FAM107A: variants seen among roughly 807,000 people sequenced by gnomAD.
FAM107A encodes family with sequence similarity 107 member A.
In FAM107A, 19 loss-of-function variants were observed where a neutral mutation model predicts 13.7. That is an observed-to-expected ratio of 1.38 (90% CI 0.97 to 2.03). The LOEUF (loss-of-function observed/expected upper bound fraction) is 2.03, where lower values mean the gene tolerates loss of function less well. Ranked by LOEUF, FAM107A falls within the 30% of genes most tolerant of loss-of-function variation. The pLI, the probability that FAM107A is intolerant of heterozygous loss-of-function variation, is 0.00. For synonymous variants in FAM107A, 82 were observed against 74.5 expected (o/e 1.10, Z -0.52); for missense variants, 203 against 184.4 (o/e 1.10, Z -0.58).
chr3:58,572,958 C>G (rs1215824766), intron 1 of FAM107A, among the ~76,000 whole-genome samples: 2 of 152,112 alleles, frequency 1.3e-5, no homozygotes, highest in African/African-American at 2.4e-5. Context: ...TTTTATTTTG[C>G]ACTGGGCCCT....
At chr3:58,581,245 T>C (rs1021873138), upstream of FAM107A, among the ~76,000 whole-genome samples, 1 of 152,174 alleles carries the variant, frequency 6.6e-6, no homozygotes, top group African/African-American at 2.4e-5. Context: ...CATCCCCTTT[T>C]AACTCTGATT....
upstream of FAM107A, chr3:58,587,116 A>AG (rs538865692): frequency 2.9e-6 from 4 of 1,370,840 alleles, no homozygotes; most frequent in Admixed American, 3.6e-5. Context: ...CGGGGGAAGG[A>AG]GGGGGGCAGG....
At chr3:58,608,494 A>G (rs1276670167) in intron 1 of FAM107A, among the ~76,000 whole-genome samples, 1 of 152,194 alleles carries the variant, frequency 6.6e-6, no homozygotes, top group Non-Finnish European at 1.5e-5. Flanking sequence ...AACAGCAACA[A>G]TTACCCTAAG....
At chr3:58,580,411 A>ATT (rs35805159), upstream of FAM107A, among the ~76,000 whole-genome samples, 1,393 of 88,972 alleles carry the variant, frequency 0.016, 30 homozygotes, top group South Asian at 0.027. Flanking sequence ...AGGAATCTGG[A>ATT]TTTTTTTTTT....
At chr3:58,600,570 A>C (rs1169797458) in intron 1 of FAM107A, among the ~76,000 whole-genome samples, 1 of 152,220 alleles carries the variant, frequency 6.6e-6, no homozygotes, top group Admixed American at 6.5e-5. Flanking sequence ...CCTGGCTCCA[A>C]AGCTGGGACA....
rs1432386022 is a variant in FAM107A, at chr3:58,569,216, CAGGTCATAGCTG to C, written c.170+463_170+474del. ...GGCCTGGCTAACTCCAGTCCCCCTT[CAGGTCATAGCTG>C]AGGCAGCACCGCTCCTGTGAAGTCA... On this transcript the variant is annotated intron_variant, in intron 2 of 3. Coordinates refer to ENST00000360997, the MANE Select transcript of FAM107A (RefSeq NM_001076778.3). This position sits in a 1 kb window ranked among gnomAD's most constrained non-coding sequence, Gnocchi z 5.7. Among the ~76,000 whole-genome samples, 1 of 152,234 alleles carries C rather than the reference CAGGTCATAGCTG, an allele frequency of 6.6e-6. No homozygotes were observed. The highest frequency in any genetic ancestry group is 2.4e-5 in the African/African-American group (1 of 41,458).
chr3:58,593,529 G>C (rs1276537849), intron 1 of FAM107A, among the ~76,000 whole-genome samples: 1 of 151,924 alleles, frequency 6.6e-6, no homozygotes, highest in Non-Finnish European at 1.5e-5. Context: ...GAAGCGGATA[G>C]AAGATCTTCA....
At chr3:58,600,882 G>A (rs1003444438) in intron 1 of FAM107A, among the ~76,000 whole-genome samples, 1 of 152,130 alleles carries the variant, frequency 6.6e-6, no homozygotes, top group African/African-American at 2.4e-5. Flanking sequence ...CACAGGACCC[G>A]ACAAAACCCT....
At chr3:58,623,514 G>A (rs1008611144) in intron 1 of FAM107A, among the ~76,000 whole-genome samples, 2 of 152,152 alleles carry the variant, frequency 1.3e-5, no homozygotes, top group Admixed American at 6.5e-5. Context: ...TGGGCACCTC[G>A]CCCCAGCCTG....
Position 58,599,726 on chromosome 3 carries a change from T to TAC in FAM107A, c.-69-10458_-69-10457insGT, listed in dbSNP as rs2065738058. Among the ~76,000 whole-genome samples, 3 of 85,484 alleles carry TAC rather than the reference T, an allele frequency of 3.5e-5. No individual in the cohort carries two copies. In the Admixed American group the frequency reaches 3.8e-4, roughly 11 times the overall value. 56.1% of individuals were successfully genotyped at this position (85,484 alleles called of 152,430 possible). A position where few individuals can be genotyped will look rare whatever the true frequency, so the allele number is the denominator to read the frequency against. On this transcript the variant is annotated intron_variant, in intron 1 of 3. Coordinates refer to the FAM107A transcript ENST00000465970. Reference sequence around the variant, plus strand: ...TTTTTTTTTTTTTTTTTTTTTTTTTTTTTTTTTTTGAGACGGGATCCCGCT... The same window carrying TAC: ...TTTTTTTTTTTTTTTTTTTTTTTTTTACTTTTTTTTTGAGACGGGATCCCGCT...
intron 1 of FAM107A, among the ~76,000 whole-genome samples, chr3:58,571,259 C>T (rs189967867): frequency 2.4e-4 from 36 of 152,332 alleles, no homozygotes; most frequent in Non-Finnish European, 4.3e-4. Context: ...TGACCCATCA[C>T]AGGCTGCTGT....
At chr3:58,601,340 A>G (rs1438189368) in intron 1 of FAM107A, among the ~76,000 whole-genome samples, 1 of 152,226 alleles carries the variant, frequency 6.6e-6, no homozygotes, top group Admixed American at 6.5e-5. Context: ...CTCTGCTTCT[A>G]TAAACATCTA....
exon 1 of FAM107A, chr3:58,627,500 C>G (rs9826287): frequency 6.4e-6 from 1 of 156,360 alleles, no homozygotes. Context: ...GGGCTGCGTG[C>G]GGATGTCAGC....
At position 58,619,818 on chromosome 3, in the gene FAM107A, G is replaced by A. The variant is rs148348957; in HGVS notation, c.-70+7598C>T. 6.3e-3 allele frequency among the ~76,000 whole-genome samples: 963 copies of A among 152,292 alleles called. 17 individuals carry two copies. The highest frequency in any genetic ancestry group is 0.022 in the African/African-American group (909 of 41,546). The stretch of plus-strand genomic sequence containing the variant: ...ACAAGCCATGAGGGATTTTGCATTT[G>A]GCCAGGAAGTTGTGCAGGTGGAAAG... On this transcript the variant is annotated intron_variant, in intron 1 of 3. Transcript: ENST00000465970.
At chr3:58,598,339 G>A (rs901528445) in intron 1 of FAM107A, among the ~76,000 whole-genome samples, 6 of 152,210 alleles carry the variant, frequency 3.9e-5, no homozygotes, top group African/African-American at 1.2e-4. Flanking sequence ...GTTCTCAGCC[G>A]AGGTGCAGTA....
At chr3:58,619,063 C>A (rs1300466130) in intron 1 of FAM107A, among the ~76,000 whole-genome samples, 1 of 152,130 alleles carries the variant, frequency 6.6e-6, no homozygotes, top group Admixed American at 6.5e-5. Context: ...TGCAGTGGTG[C>A]TACCATGGCT....
chr3:58,573,871 A>G (rs972894203), intron 1 of FAM107A, among the ~76,000 whole-genome samples: 55 of 152,318 alleles, frequency 3.6e-4, no homozygotes, highest in African/African-American at 1.2e-3. Flanking sequence ...TTCCCACTGA[A>G]CAGCAGAGTT....
chr3:58,603,549 G>T (rs1307342766), intron 1 of FAM107A, among the ~76,000 whole-genome samples: 3 of 152,162 alleles, frequency 2.0e-5, no homozygotes, highest in Non-Finnish European at 4.4e-5. Flanking sequence ...CTCAGCTGAA[G>T]TCTAGCCTCA....
intron 1 of FAM107A, among the ~76,000 whole-genome samples, chr3:58,623,210 G>C (rs994929111): frequency 1.3e-4 from 20 of 152,200 alleles, no homozygotes; most frequent in African/African-American, 4.6e-4. Context: ...TTTAGCCATA[G>C]TGCTTCTATT....
Sources: gnomAD v4.1 joint callset for allele counts (sites outside exome capture counted in the v4.1 genomes callset) on GRCh38, gnomAD v4.1.1 for gene constraint, Gnocchi (gnomAD v3.1) non-coding constraint, MANE v1.5 for transcripts, NCBI Gene and HGNC (gene_info 2026-07-23, HGNC 2026-07-21) for gene names.